Variants in DOCK5 observed in about 807,000 individuals in gnomAD.
The protein encoded by DOCK5 is dedicator of cytokinesis protein 5.
Under a neutral mutation model 251.8 loss-of-function variants are expected in DOCK5, and 142 were observed. That is an observed-to-expected ratio of 0.56 (90% CI 0.49 to 0.65). DOCK5 has a LOEUF of 0.65. Ranked by LOEUF, DOCK5 falls within the 30% of genes least tolerant of loss-of-function variation. DOCK5 has a pLI of 0.00. For synonymous variants in DOCK5, 842 were observed against 835.5 expected, an observed-to-expected ratio of 1.01 and a Z score of -0.13; for missense variants, 2,111 against 2,312.3, an observed-to-expected ratio of 0.91 and a Z score of 1.79.
intron 32 of DOCK5, 21 bp from the exon 33 acceptor site, chr8:25,368,550 C>A (rs368369315): frequency 7.6e-6 from 12 of 1,575,644 alleles, no homozygotes; most frequent in Non-Finnish European, 1.0e-5. Flanking sequence ...TTTTTAATAT[C>A]TTCATTCACT....
At chr8:25,290,509 G>C (rs937518856) in intron 5 of DOCK5, among the ~76,000 whole-genome samples, 1 of 152,148 alleles carries the variant, frequency 6.6e-6, no homozygotes, top group Non-Finnish European at 1.5e-5. Flanking sequence ...AGGTAATTTA[G>C]TTTGGTTACA....
At chr8:25,351,119 G>A (rs933546636) in intron 26 of DOCK5, among the ~76,000 whole-genome samples, 4 of 151,846 alleles carry the variant, frequency 2.6e-5, no homozygotes, top group African/African-American at 4.8e-5. Flanking sequence ...GTGCAGTGGC[G>A]TGATCTCAGC....
intron 2 of DOCK5, among the ~76,000 whole-genome samples, chr8:25,247,460 G>C (rs529938158): frequency 1.4e-4 from 22 of 152,050 alleles, no homozygotes; most frequent in African/African-American, 5.3e-4. Flanking sequence ...AGCCAAGCAT[G>C]GTGACATGCA....
At chr8:25,360,434 G>T (rs1379485468) in intron 28 of DOCK5, among the ~76,000 whole-genome samples, 1 of 152,164 alleles carries the variant, frequency 6.6e-6, no homozygotes, top group Non-Finnish European at 1.5e-5. Context: ...TGGGGGGTGG[G>T]GGGTGGAGGA....
intron 16 of DOCK5, among the ~76,000 whole-genome samples, chr8:25,323,527 GAGAGA>G (rs1171512727): frequency 2.6e-5 from 4 of 152,234 alleles, no homozygotes; most frequent in Admixed American, 1.3e-4. Flanking sequence ...GCAAGATGGA[GAGAGA>G]AGAGACAGGC....
intron 1 of DOCK5, among the ~76,000 whole-genome samples, chr8:25,202,765 A>C (rs1718047155): frequency 6.6e-6 from 1 of 152,196 alleles, no homozygotes; most frequent in African/African-American, 2.4e-5. Context: ...AATAACTAAT[A>C]ATAAAAAAGA....
At chr8:25,395,408 AC>A (rs1311118974) in intron 44 of DOCK5, 134 bp from the exon 45 acceptor site, 3 of 1,003,978 alleles carry the variant, frequency 3.0e-6, no homozygotes, top group Non-Finnish European at 4.4e-6. Context: ...TATAAGTCTA[AC>A]CTTGATTAGC....
chr8:25,317,093 A>G lies in DOCK5; in HGVS notation c.1405A>G (p.Thr469Ala). 1 of 1,613,956 alleles carries G rather than the reference A, an allele frequency of 6.2e-7. No homozygotes were observed. The change falls in exon 14 of 52, where the codon ACG becomes GCG. Residue 469 changes from threonine to alanine, a missense_variant. Coordinates refer to ENST00000276440, the MANE Select transcript of DOCK5 (RefSeq NM_024940.8). ...KKKTPKNVEV[T>A]MSVHDEEGKL... is the part of the protein sequence containing the mutation. ...GAAGACGCCAAAGAATGTGGAGGTGACGATGTCTGTGCACGATGAGGAGGG... is the reference window on the plus strand; with the variant it reads ...GAAGACGCCAAAGAATGTGGAGGTGGCGATGTCTGTGCACGATGAGGAGGG...
At chr8:25,258,354 G>A (rs986136714) in intron 2 of DOCK5, among the ~76,000 whole-genome samples, 5 of 152,130 alleles carry the variant, frequency 3.3e-5, no homozygotes, top group African/African-American at 9.6e-5. Flanking sequence ...ATGTTATGGG[G>A]TAACAAGATT....
chr8:25,203,197 C>G (rs1221076369), intron 1 of DOCK5, among the ~76,000 whole-genome samples: 1 of 152,176 alleles, frequency 6.6e-6, no homozygotes, highest in African/African-American at 2.4e-5. Context: ...GAATGACTAT[C>G]TTATGTGCCT....
chr8:25,393,240 T>G (rs991230454), intron 44 of DOCK5, among the ~76,000 whole-genome samples: 3 of 152,200 alleles, frequency 2.0e-5, no homozygotes, highest in Admixed American at 1.3e-4. Flanking sequence ...TCTCTGCTAA[T>G]CATATCCACA....
chr8:25,389,074 C>T lies in DOCK5; in HGVS notation c.4132-17C>T, dbSNP rs1234483852. 1 of 1,612,058 alleles carries T rather than the reference C, an allele frequency of 6.2e-7. No individual in the cohort carries two copies. The highest frequency in any genetic ancestry group is 1.7e-5 in the Admixed American group (1 of 59,954). On this transcript the variant is annotated splice_polypyrimidine_tract_variant and intron_variant, in intron 40 of 51. Transcript: ENST00000276440. ...TCTTCCTATGTAATGACTTCCCTTT[C>T]TGTGTCTCACCTGCAGAATAAAATC...
intron 37 of DOCK5, chr8:25,374,872 G>C: frequency 1.5e-6 from 2 of 1,374,340 alleles, no homozygotes; most frequent in Non-Finnish European, 1.9e-6. Context: ...AGAAAGCAGA[G>C]CACGACTTAT....
At chr8:25,391,690 A>C (rs1801262325) in intron 42 of DOCK5, among the ~76,000 whole-genome samples, 1 of 152,154 alleles carries the variant, frequency 6.6e-6, no homozygotes, top group Admixed American at 6.6e-5. Context: ...CTGTGAAATA[A>C]ATTCCTAAAT....
chr8:25,307,797 G>A (rs550734850), intron 11 of DOCK5, among the ~76,000 whole-genome samples: 3 of 152,284 alleles, frequency 2.0e-5, no homozygotes, highest in Non-Finnish European at 2.9e-5. Flanking sequence ...GCCAACAGCC[G>A]CAGTGGAGTA....
intron 27 of DOCK5, among the ~76,000 whole-genome samples, chr8:25,356,653 C>T (rs779956136): frequency 5.3e-5 from 8 of 151,756 alleles, no homozygotes; most frequent in African/African-American, 1.7e-4. Flanking sequence ...AGTGACAGAA[C>T]GAGACCCTGT....
chr8:25,196,974 G>C (rs199630604), intron 1 of DOCK5, among the ~76,000 whole-genome samples: 1 of 152,068 alleles, frequency 6.6e-6, no homozygotes, highest in African/African-American at 2.4e-5. Context: ...TGAGGCTGGA[G>C]GATTGCTTGA....
intron 34 of DOCK5, 69 bp from the exon 35 acceptor site, chr8:25,372,490 A>G (rs1202713868): frequency 2.1e-6 from 3 of 1,454,114 alleles, no homozygotes; most frequent in Non-Finnish European, 2.7e-6. Flanking sequence ...GACCCTGGTC[A>G]GTGCTGGTCA....
chr8:25,346,102 G>A (rs1032745319), intron 26 of DOCK5, among the ~76,000 whole-genome samples: 5 of 152,062 alleles, frequency 3.3e-5, no homozygotes, highest in Admixed American at 3.3e-4. Flanking sequence ...CACCCATCTC[G>A]GCCTCCCAAA....
Sources: gnomAD v4.1 joint callset for allele counts (sites outside exome capture counted in the v4.1 genomes callset) on GRCh38, gnomAD v4.1.1 for gene constraint, MANE v1.5 for transcripts, NCBI Gene and HGNC (gene_info 2026-07-23, HGNC 2026-07-21) for gene names.